The following RPTOR variants were observed in gnomAD, a reference collection of about 807,000 sequenced individuals.
The protein encoded by RPTOR is regulatory-associated protein of mTOR.
In RPTOR, 21 loss-of-function variants were observed where a neutral mutation model predicts 169.9. The ratio of observed to expected loss-of-function variants is 0.12; its 90% CI spans 0.09 to 0.18. RPTOR has a LOEUF of 0.18. RPTOR is among the 10% of genes least tolerant of loss of function. The probability of loss-of-function intolerance (pLI) is 1.00; values close to 1 mark genes in which losing one functional copy is unlikely to be tolerated. For missense variants in RPTOR, 1,133 were observed against 1,855.9 expected (o/e 0.61, Z 7.16); for synonymous variants, 732 against 753.2 (o/e 0.97, Z 0.46).
intron 5 of RPTOR, among the ~76,000 whole-genome samples, chr17:80,742,401 G>C (rs1366277484): frequency 2.0e-5 from 3 of 152,070 alleles, no homozygotes. Context: ...GCCAGGTTTG[G>C]AGGAAGGATG....
chr17:80,677,889 G>A (rs778741799), intron 3 of RPTOR, among the ~76,000 whole-genome samples: 4 of 152,200 alleles, frequency 2.6e-5, no homozygotes, highest in African/African-American at 9.7e-5. Flanking sequence ...ATTGATATCA[G>A]TATTGCTCAC....
chr17:80,826,659 G>A (rs2067447329), intron 9 of RPTOR, among the ~76,000 whole-genome samples: 1 of 152,266 alleles, frequency 6.6e-6, no homozygotes, highest in Non-Finnish European at 1.5e-5. Context: ...GGGTGTCACT[G>A]TGTCCCCATG....
At chr17:80,923,408 G>A in intron 22 of RPTOR, 82 bp from the exon 23 acceptor site, 1 of 1,508,548 alleles carries the variant, frequency 6.6e-7, no homozygotes, top group Non-Finnish European at 9.2e-7. Flanking sequence ...GGGTGCAGGT[G>A]GCCCAGGAAG....
intron 6 of RPTOR, among the ~76,000 whole-genome samples, chr17:80,766,113 T>C (rs1255528768): frequency 1.3e-5 from 2 of 152,178 alleles, no homozygotes; most frequent in African/African-American, 4.8e-5. Flanking sequence ...TGGAGTGCAG[T>C]GGTGTGAACA....
chr17:80,698,492 A>C (rs559876220), intron 3 of RPTOR, among the ~76,000 whole-genome samples: 2 of 152,326 alleles, frequency 1.3e-5, no homozygotes, highest in South Asian at 4.1e-4. Flanking sequence ...CCATTGATCC[A>C]CATTGTCCTC....
Position 80,730,295 on chromosome 17 carries a change from T to A in RPTOR, c.508-265T>A, listed in dbSNP as rs1305804844. Among the ~76,000 whole-genome samples the A allele has an allele frequency of 6.6e-6, 1 of 152,074 alleles. No individual in the cohort carries two copies. The highest frequency in any genetic ancestry group is 2.4e-5 in the African/African-American group (1 of 41,394). Reference sequence around the variant, plus strand: ...CTAATTTTGTATTTTTAGTAGAGACTGGGTTTTACCATGTTGGCCAGGCTG... The same window carrying A: ...CTAATTTTGTATTTTTAGTAGAGACAGGGTTTTACCATGTTGGCCAGGCTG... On this transcript the variant is annotated intron_variant, in intron 4 of 33. Coordinates refer to ENST00000306801, the MANE Select transcript of RPTOR (RefSeq NM_020761.3). The surrounding 1 kb of genome is among the most constrained non-coding windows in gnomAD (Gnocchi z 4.2).
chr17:80,709,157 C>T (rs1280476751), intron 4 of RPTOR: 1 of 861,266 alleles, frequency 1.2e-6, no homozygotes, highest in East Asian at 1.2e-4. Context: ...GCAGTGCCAT[C>T]TCTCCCCGTG....
chr17:80,556,552 AAG>A (rs1184335797), intron 1 of RPTOR, among the ~76,000 whole-genome samples: 1 of 152,112 alleles, frequency 6.6e-6, no homozygotes, highest in Non-Finnish European at 1.5e-5. Context: ...GGAGCCACAA[AAG>A]AGGCGGCTGC....
At position 80,632,680 on chromosome 17, in the gene RPTOR, G is replaced by A. The variant is rs1160127418; in HGVS notation, c.265+6887G>A. On this transcript the variant is annotated intron_variant, in intron 2 of 33. Coordinates refer to ENST00000306801, the MANE Select transcript of RPTOR (RefSeq NM_020761.3). ...TTGGCCTTTATTAAAAAATGGGTAG[G>A]TTCCTGGTCCTGGTGATGGTGGTTT... 2.0e-5 allele frequency among the ~76,000 whole-genome samples: 3 copies of A among 152,274 alleles called. No homozygotes were observed. The East Asian group carries it at 5.8e-4, about 29-fold the overall frequency.
At chr17:80,687,506 A>C (rs187638147) in intron 3 of RPTOR, among the ~76,000 whole-genome samples, 11,849 of 152,214 alleles carry the variant, frequency 0.078, 546 homozygotes, top group Middle Eastern at 0.13. Context: ...TGTTTGATGA[A>C]AGGCAGGGAC....
rs903926002 is a variant in RPTOR, at chr17:80,726,047, CCCA to C, written c.508-4511_508-4509del. 6.6e-6 allele frequency among the ~76,000 whole-genome samples: 1 copy of C among 152,080 alleles called. No homozygotes were observed. Among genetic ancestry groups the C allele is most frequent in the African/African-American group, 2.4e-5 (1 of 41,410 alleles). ...AAGATTGTGTGGTGCACAGGGCAGCCCCACAAGGAGCGGCCCGGCCCCAAATGG... is the reference window on the plus strand; with the variant it reads ...AAGATTGTGTGGTGCACAGGGCAGCCCAAGGAGCGGCCCGGCCCCAAATGG... On this transcript the variant is annotated intron_variant, in intron 4 of 33. Coordinates refer to ENST00000306801, the MANE Select transcript of RPTOR (RefSeq NM_020761.3). The surrounding 1 kb of genome is among the most constrained non-coding windows in gnomAD (Gnocchi z 4.5).
intron 7 of RPTOR, among the ~76,000 whole-genome samples, chr17:80,807,652 A>T (rs146760183): frequency 6.3e-4 from 95 of 151,798 alleles, no homozygotes; most frequent in Non-Finnish European, 1.0e-3. Context: ...GTGCCCGGCC[A>T]AGCCCCTTTT....
intron 3 of RPTOR, among the ~76,000 whole-genome samples, chr17:80,698,286 A>AGGGGCTGCCGCCCCACCCG (rs2066054152): frequency 6.6e-6 from 1 of 151,636 alleles, no homozygotes; most frequent in South Asian, 2.1e-4. Context: ...GGCCCCATGC[A>AGGGGCTGCCGCCCCACCCG]GAGGGGCTGC....
intron 4 of RPTOR, among the ~76,000 whole-genome samples, chr17:80,717,915 C>T (rs188621887): frequency 7.8e-4 from 119 of 152,290 alleles, no homozygotes; most frequent in African/African-American, 2.0e-3. Context: ...ATTCACGTAG[C>T]GGAACGTTTA....
At chr17:80,782,401 A>T (rs562442113) in intron 6 of RPTOR, among the ~76,000 whole-genome samples, 37 of 151,228 alleles carry the variant, frequency 2.4e-4, no homozygotes, top group East Asian at 1.9e-3. Flanking sequence ...TTTTATTTTT[A>T]TTTTTTTTTA....
chr17:80,868,857 G>T (rs2068021294), intron 13 of RPTOR, among the ~76,000 whole-genome samples: 2 of 152,134 alleles, frequency 1.3e-5, no homozygotes, highest in Admixed American at 1.3e-4. Flanking sequence ...TTAAAGAAGG[G>T]TACCTGCTGT....
chr17:80,594,544 C>T (rs2065131146), intron 1 of RPTOR, among the ~76,000 whole-genome samples: 1 of 152,228 alleles, frequency 6.6e-6, no homozygotes, highest in African/African-American at 2.4e-5. Flanking sequence ...TCCCCTTAGC[C>T]ATGTGAACTG....
chr17:80,679,111 C>T (rs541871379), intron 3 of RPTOR, among the ~76,000 whole-genome samples: 143 of 152,362 alleles, frequency 9.4e-4, no homozygotes, highest in African/African-American at 3.1e-3. Context: ...CCGGGCGCAG[C>T]GGCTACCTGT....
At chr17:80,621,319 C>T (rs996799422) in intron 1 of RPTOR, among the ~76,000 whole-genome samples, 4 of 152,192 alleles carry the variant, frequency 2.6e-5, no homozygotes, top group Admixed American at 1.3e-4. Flanking sequence ...TTAACTAGAG[C>T]TACTCATTTG....
Sources: gnomAD v4.1 joint callset for allele counts (sites outside exome capture counted in the v4.1 genomes callset) on GRCh38, gnomAD v4.1.1 for gene constraint, Gnocchi (gnomAD v3.1) non-coding constraint, MANE v1.5 for transcripts, NCBI Gene and HGNC (gene_info 2026-07-23, HGNC 2026-07-21) for gene names.